Variants in MIR2052HG observed in about 807,000 individuals in gnomAD.
MIR2052HG encodes the protein MIR2052 host gene.
At chr8:74,706,742 C>A (rs1368483078) in intron 4 of MIR2052HG, among the ~76,000 whole-genome samples, 1 of 152,010 alleles carries the variant, frequency 6.6e-6, no homozygotes, top group Non-Finnish European at 1.5e-5. Context: ...AACCTGAAAA[C>A]AATTACTAAT....
intron 2 of MIR2052HG, among the ~76,000 whole-genome samples, chr8:74,679,126 A>G (rs950645427): frequency 2.0e-5 from 3 of 152,110 alleles, no homozygotes; most frequent in Non-Finnish European, 4.4e-5. Flanking sequence ...GTTTTTGGGG[A>G]ACAGGTGGTT....
chr8:74,674,736 A>G (rs1809032753), intron 2 of MIR2052HG, among the ~76,000 whole-genome samples: 4 of 151,956 alleles, frequency 2.6e-5, no homozygotes, highest in Admixed American at 2.6e-4. Context: ...TTTAGAACCC[A>G]TTAATCATAT....
rs749099249 is a variant in MIR2052HG, at chr8:74,612,943, G to A, written n.216+3G>A. On this transcript the variant is annotated splice_donor_region_variant and intron_variant and non_coding_transcript_variant, in intron 2 of 6. Transcript: ENST00000523442. ...AGGATCCAGAACTGGAGTGGAAGGT[G>A]GGAAAGATCTTTGAGTGCAGCTGCA... 3.2e-4 allele frequency: 145 copies of A among 456,054 alleles called. 1 individual carries two copies. Among genetic ancestry groups the A allele is most frequent in the Middle Eastern group, 2.6e-3 (8 of 3,098 alleles). The allele number at this position is 456,054 out of a possible 1,614,324, so 28.3% of individuals were successfully genotyped here.
At chr8:74,720,859 G>A (rs1298174744) in intron 4 of MIR2052HG, among the ~76,000 whole-genome samples, 1 of 152,088 alleles carries the variant, frequency 6.6e-6, no homozygotes, top group African/African-American at 2.4e-5. Flanking sequence ...GAGAGAGAGA[G>A]TGAAGAGGGA....
At chr8:74,727,751 T>G (rs1489806557) in intron 4 of MIR2052HG, among the ~76,000 whole-genome samples, 1 of 152,230 alleles carries the variant, frequency 6.6e-6, no homozygotes, top group Non-Finnish European at 1.5e-5. Context: ...GAGAAAATAC[T>G]AAAAACAAAA....
chr8:74,692,807 A>G (rs1384258421), intron 2 of MIR2052HG, among the ~76,000 whole-genome samples: 1 of 152,204 alleles, frequency 6.6e-6, no homozygotes, highest in Non-Finnish European at 1.5e-5. Flanking sequence ...TTCTGCCCAT[A>G]TTTCAAATGA....
chr8:74,667,677 C>T (rs1808944688), intron 2 of MIR2052HG, among the ~76,000 whole-genome samples: 1 of 152,094 alleles, frequency 6.6e-6, no homozygotes, highest in Non-Finnish European at 1.5e-5. Flanking sequence ...TGGAATAATA[C>T]TGAAACCCCC....
chr8:74,668,277 T>G (rs1808953585), intron 2 of MIR2052HG, among the ~76,000 whole-genome samples: 1 of 152,092 alleles, frequency 6.6e-6, no homozygotes, highest in East Asian at 1.9e-4. Context: ...GATATTTTAA[T>G]TTTTTCAAAT....
At chr8:74,751,330 C>G (rs879849176) in intron 4 of MIR2052HG, among the ~76,000 whole-genome samples, 1 of 152,156 alleles carries the variant, frequency 6.6e-6, no homozygotes, top group Non-Finnish European at 1.5e-5. Context: ...CGTTGCTATG[C>G]TGCCTAGTGT....
At chr8:74,758,239 T>G (rs1810024605) in intron 6 of MIR2052HG, 1 of 152,142 alleles carries the variant, frequency 6.6e-6, no homozygotes, top group Admixed American at 6.6e-5. Flanking sequence ...ATCTTAAAAT[T>G]TCATGTATTT....
intron 2 of MIR2052HG, among the ~76,000 whole-genome samples, chr8:74,652,277 C>T (rs1323910372): frequency 6.6e-6 from 1 of 152,188 alleles, no homozygotes; most frequent in African/African-American, 2.4e-5. Flanking sequence ...GGCCATATGA[C>T]TTACTCTGGC....
intron 4 of MIR2052HG, among the ~76,000 whole-genome samples, chr8:74,717,572 T>C (rs1809532785): frequency 6.6e-6 from 1 of 152,012 alleles, no homozygotes; most frequent in Non-Finnish European, 1.5e-5. Flanking sequence ...AATCCCAGCA[T>C]TTTGGGAGGT....
chr8:74,712,677 C>T (rs949200616), intron 4 of MIR2052HG, among the ~76,000 whole-genome samples: 1 of 148,262 alleles, frequency 6.7e-6, no homozygotes, highest in Non-Finnish European at 1.5e-5. Flanking sequence ...GCCTCAGATT[C>T]AAGACTCTTT....
chr8:74,657,162 C>T (rs1808815728), intron 2 of MIR2052HG, among the ~76,000 whole-genome samples: 1 of 152,142 alleles, frequency 6.6e-6, no homozygotes, highest in South Asian at 2.1e-4. Flanking sequence ...TTCTTTTCCC[C>T]TAGCCACAGC....
chr8:74,617,228 T>A (rs1808295353), intron 2 of MIR2052HG, among the ~76,000 whole-genome samples: 1 of 152,200 alleles, frequency 6.6e-6, no homozygotes. Context: ...AACTTTTTAA[T>A]CCTCACTCCC....
At chr8:74,662,965 T>C (rs1808882589) in intron 2 of MIR2052HG, among the ~76,000 whole-genome samples, 2 of 152,144 alleles carry the variant, frequency 1.3e-5, no homozygotes, top group Middle Eastern at 6.8e-3. Flanking sequence ...TGCATGATAG[T>C]ATCATACTTT....
At chr8:74,722,837 T>C (rs979140053) in intron 4 of MIR2052HG, among the ~76,000 whole-genome samples, 3 of 152,214 alleles carry the variant, frequency 2.0e-5, no homozygotes, top group Non-Finnish European at 2.9e-5. Context: ...TTTCTGAGGG[T>C]TAAGCATCTT....
At chr8:74,739,259 G>A (rs957059089) in intron 4 of MIR2052HG, among the ~76,000 whole-genome samples, 2 of 152,150 alleles carry the variant, frequency 1.3e-5, no homozygotes, top group African/African-American at 4.8e-5. Context: ...CATCAGTTCT[G>A]TAATTCAGAT....
At chr8:74,714,202 C>T (rs971741721) in intron 4 of MIR2052HG, among the ~76,000 whole-genome samples, 2 of 152,138 alleles carry the variant, frequency 1.3e-5, no homozygotes, top group Non-Finnish European at 1.5e-5. Flanking sequence ...GAGAGCACCA[C>T]GAGGATGAGA....
Sources: allele counts gnomAD v4.1 joint callset (sites outside exome capture counted in the v4.1 genomes callset), GRCh38; gene constraint gnomAD v4.1.1; transcripts MANE v1.5; gene names NCBI Gene and HGNC (gene_info 2026-07-23, HGNC 2026-07-21).